CDH13: variants seen among roughly 807,000 people sequenced by gnomAD.
CDH13 encodes the protein cadherin-13.
A neutral mutation model predicts 63.8 loss-of-function variants in CDH13; 24 were observed. The observed-to-expected ratio is 0.38, with a 90% CI of 0.27 to 0.53. The LOEUF is 0.53. Among genes scored for constraint, CDH13 ranks in the 20% least tolerant of loss-of-function variants. The pLI, the probability that CDH13 is intolerant of heterozygous loss-of-function variation, is 0.85. For missense variants in CDH13, 1,049 were observed against 903.1 expected (o/e 1.16, Z -2.07); for synonymous variants, 503 against 355.3 (o/e 1.42, Z -4.67).
At chr16:82,942,398 T>G (rs1904299797) in intron 2 of CDH13, among the ~76,000 whole-genome samples, 1 of 152,218 alleles carries the variant, frequency 6.6e-6, no homozygotes, top group East Asian at 1.9e-4. Flanking sequence ...TGGTAAATTT[T>G]AATCATCTTC....
chr16:82,633,055 T>C (rs1908213594), intron 1 of CDH13, among the ~76,000 whole-genome samples: 1 of 152,126 alleles, frequency 6.6e-6, no homozygotes, highest in South Asian at 2.1e-4. Flanking sequence ...CCATTATAAA[T>C]ACAGATGAAG....
At chr16:83,565,914 A>C (rs921574509) in intron 7 of CDH13, among the ~76,000 whole-genome samples, 1 of 152,072 alleles carries the variant, frequency 6.6e-6, no homozygotes, top group African/African-American at 2.4e-5. Flanking sequence ...ACCAGTTTGT[A>C]AATGTGTAAC....
At chr16:82,759,114 G>A (rs1431277190) in intron 1 of CDH13, among the ~76,000 whole-genome samples, 1 of 152,178 alleles carries the variant, frequency 6.6e-6, no homozygotes, top group Non-Finnish European at 1.5e-5. Context: ...TCTCTTAACT[G>A]TTGAGAGTCA....
intron 10 of CDH13, among the ~76,000 whole-genome samples, chr16:83,704,690 G>A (rs1193567988): frequency 1.3e-5 from 2 of 152,168 alleles, no homozygotes; most frequent in African/African-American, 4.8e-5. Flanking sequence ...TTTAAGCTCT[G>A]ATAGAAAATT....
chr16:82,928,273 C>G (rs573525790), intron 2 of CDH13, among the ~76,000 whole-genome samples: 1 of 152,186 alleles, frequency 6.6e-6, no homozygotes, highest in South Asian at 2.1e-4. Context: ...TTGACCAGTC[C>G]TGTAATTGAT....
Position 82,847,895 on chromosome 16 carries a change from C to CTTTT in CDH13, c.46-10456_46-10453dup, listed in dbSNP as rs33934390. ...TGTTTTATTGTTTTCTTGTGCTTCACTTTTTTTTTTTTTTGTACTTCACAG... is the reference window on the plus strand; with the variant it reads ...TGTTTTATTGTTTTCTTGTGCTTCACTTTTTTTTTTTTTTTTTTGTACTTCACAG... On this transcript the variant is annotated intron_variant, in intron 1 of 13. Transcript: ENST00000567109. Among the ~76,000 whole-genome samples the CTTTT allele has an allele frequency of 2.9e-3, 400 of 139,822 alleles. 1 individual carries two copies. Among genetic ancestry groups the CTTTT allele is most frequent in the East Asian group, 0.011 (50 of 4,688 alleles). The allele number at this position is 139,822 out of a possible 152,430, so 91.7% of individuals were successfully genotyped here. A position where few individuals can be genotyped will look rare whatever the true frequency, so the allele number is the denominator to read the frequency against.
chr16:83,171,879 A>C (rs1222040950), intron 4 of CDH13, among the ~76,000 whole-genome samples: 2 of 152,176 alleles, frequency 1.3e-5, no homozygotes, highest in Non-Finnish European at 1.5e-5. Context: ...TTATAATGCT[A>C]TCAACTTTCT....
chr16:83,336,578 A>T (rs2090602685), intron 5 of CDH13, among the ~76,000 whole-genome samples: 1 of 152,252 alleles, frequency 6.6e-6, no homozygotes, highest in Non-Finnish European at 1.5e-5. Context: ...GTGTGATTTG[A>T]AAACTTACAT....
At chr16:83,082,940 T>C (rs1350910367) in intron 3 of CDH13, among the ~76,000 whole-genome samples, 6 of 151,956 alleles carry the variant, frequency 3.9e-5, no homozygotes, top group Non-Finnish European at 5.9e-5. Flanking sequence ...TCCCAGACAG[T>C]GTGTTTTAAA....
At chr16:82,953,879 T>C (rs1050091536) in intron 2 of CDH13, 1 of 152,212 alleles carries the variant, frequency 6.6e-6, no homozygotes, top group Admixed American at 6.5e-5. Flanking sequence ...AGGTAACAAT[T>C]ATTAAGTGGC....
At chr16:82,656,918 C>CT (rs200722234) in intron 1 of CDH13, among the ~76,000 whole-genome samples, 4,068 of 131,024 alleles carry the variant, frequency 0.031, 62 homozygotes, top group Non-Finnish European at 0.04. Flanking sequence ...TTTGGTAGCT[C>CT]TTTTTTTTTT....
At chr16:83,166,027 T>A (rs554415503) in intron 4 of CDH13, among the ~76,000 whole-genome samples, 1 of 152,240 alleles carries the variant, frequency 6.6e-6, no homozygotes, top group South Asian at 2.1e-4. Flanking sequence ...AGTGGAGATG[T>A]GCATTGTTTG....
intron 10 of CDH13, among the ~76,000 whole-genome samples, chr16:83,721,984 C>T (rs2150937650): frequency 6.6e-6 from 1 of 152,236 alleles, no homozygotes; most frequent in African/African-American, 2.4e-5. Context: ...AACTGGACTT[C>T]ATTCTGAACT....
At chr16:83,609,742 A>C (rs1340569203) in intron 8 of CDH13, among the ~76,000 whole-genome samples, 1 of 152,194 alleles carries the variant, frequency 6.6e-6, no homozygotes, top group Non-Finnish European at 1.5e-5. Context: ...CATGCCATAA[A>C]ATTCACACTT....
At chr16:82,633,268 C>A (rs561675579) in intron 1 of CDH13, among the ~76,000 whole-genome samples, 3 of 152,334 alleles carry the variant, frequency 2.0e-5, no homozygotes, top group South Asian at 2.1e-4. Context: ...ATAGACATAA[C>A]CAGAACGTCA....
chr16:83,053,284 A>C (rs1011799119), intron 3 of CDH13, among the ~76,000 whole-genome samples: 1 of 152,194 alleles, frequency 6.6e-6, no homozygotes, highest in African/African-American at 2.4e-5. Context: ...AAGGTATCAT[A>C]ACCTTAATAT....
intron 6 of CDH13, among the ~76,000 whole-genome samples, chr16:83,440,747 C>T (rs1369793264): frequency 1.3e-5 from 2 of 149,480 alleles, no homozygotes; most frequent in South Asian, 2.1e-4. Flanking sequence ...ACTGAGCCAC[C>T]GCACTCCAGC....
intron 7 of CDH13, among the ~76,000 whole-genome samples, chr16:83,538,824 C>T (rs1392328601): frequency 6.6e-6 from 1 of 152,010 alleles, no homozygotes; most frequent in Non-Finnish European, 1.5e-5. Context: ...AGCTTGGATA[C>T]CTGGAAGTGG....
At chr16:82,865,565 G>C (rs973316730) in intron 2 of CDH13, among the ~76,000 whole-genome samples, 2 of 152,184 alleles carry the variant, frequency 1.3e-5, no homozygotes, top group South Asian at 4.1e-4. Context: ...AAAATGCAGG[G>C]CTCCAAGTCC....
Sources: gnomAD v4.1 joint callset for allele counts (sites outside exome capture counted in the v4.1 genomes callset) on GRCh38, gnomAD v4.1.1 for gene constraint, MANE v1.5 for transcripts, NCBI Gene and HGNC (gene_info 2026-07-23, HGNC 2026-07-21) for gene names.